The following RAPGEF5 variants were observed in gnomAD, a reference collection of about 807,000 sequenced individuals.
RAPGEF5 encodes the protein Rap guanine nucleotide exchange factor 5.
A neutral mutation model predicts 125.2 loss-of-function variants in RAPGEF5; 65 were observed. The observed-to-expected ratio is 0.52, with a 90% CI of 0.43 to 0.64. The LOEUF is 0.64. RAPGEF5 is among the 30% of genes least tolerant of loss of function. The probability of loss-of-function intolerance (pLI) is 0.00; values close to 1 mark genes in which losing one functional copy is unlikely to be tolerated. For synonymous variants in RAPGEF5, 391 were observed against 385.9 expected (o/e 1.01, Z -0.16); for missense variants, 958 against 1,048.1 (o/e 0.91, Z 1.19).
chr7:22,310,751 T>C (rs1444815140), intron 3 of RAPGEF5, among the ~76,000 whole-genome samples: 1 of 152,182 alleles, frequency 6.6e-6, no homozygotes, highest in Non-Finnish European at 1.5e-5. Context: ...AATATAATCA[T>C]TGTAACTATT....
intron 17 of RAPGEF5, among the ~76,000 whole-genome samples, chr7:22,151,989 A>T (rs4640962): frequency 1.3e-5 from 2 of 152,244 alleles, no homozygotes; most frequent in Admixed American, 1.3e-4. Context: ...TCCTAACTAC[A>T]AAATGCATAT....
At chr7:22,196,803 C>T (rs989183928) in intron 9 of RAPGEF5, among the ~76,000 whole-genome samples, 1 of 152,180 alleles carries the variant, frequency 6.6e-6, no homozygotes, top group Non-Finnish European at 1.5e-5. Context: ...AGACAGCCTG[C>T]CTGCCACAGA....
At chr7:22,308,021 T>C (rs1783381972) in intron 5 of RAPGEF5, among the ~76,000 whole-genome samples, 1 of 152,200 alleles carries the variant, frequency 6.6e-6, no homozygotes, top group African/African-American at 2.4e-5. Context: ...GGATGGGAGT[T>C]ACTATTTTAT....
intron 11 of RAPGEF5, among the ~76,000 whole-genome samples, chr7:22,183,268 CAA>C (rs757079018): frequency 1.2e-3 from 37 of 30,964 alleles, no homozygotes; most frequent in South Asian, 4.0e-3. Context: ...GACTCCATCA[CAA>C]AAAAAAAAAA....
chr7:22,126,177 C>T (rs979529986), intron 24 of RAPGEF5, among the ~76,000 whole-genome samples: 1 of 152,026 alleles, frequency 6.6e-6, no homozygotes. Flanking sequence ...AACAGTAGCA[C>T]CCAATCCGGG....
chr7:22,319,761 A>G (rs1300271978), intron 1 of RAPGEF5, among the ~76,000 whole-genome samples: 3 of 152,194 alleles, frequency 2.0e-5, no homozygotes, highest in South Asian at 2.1e-4. Context: ...GACAGTCTTT[A>G]TTACTCATCT....
intron 1 of RAPGEF5, chr7:22,356,294 C>A (rs535313462): frequency 2.0e-6 from 2 of 978,398 alleles, no homozygotes; most frequent in Non-Finnish European, 2.4e-6. Context: ...CTGGAGACAC[C>A]GGAACCCAGG....
At chr7:22,270,823 C>T (rs911136152) in intron 6 of RAPGEF5, among the ~76,000 whole-genome samples, 1 of 152,138 alleles carries the variant, frequency 6.6e-6, no homozygotes, top group African/African-American at 2.4e-5. Flanking sequence ...ATATTTCTTC[C>T]ATGAAATGCA....
At chr7:22,355,140 GA>G (rs1784398231) in intron 1 of RAPGEF5, among the ~76,000 whole-genome samples, 1 of 152,126 alleles carries the variant, frequency 6.6e-6, no homozygotes, top group Admixed American at 6.5e-5. Flanking sequence ...AATGTGTTTG[GA>G]AAGTCCCAAA....
chr7:22,137,843 T>C (rs1316210998), intron 21 of RAPGEF5, among the ~76,000 whole-genome samples: 1 of 152,094 alleles, frequency 6.6e-6, no homozygotes, highest in African/African-American at 2.4e-5. Flanking sequence ...TATAAGAAGA[T>C]ATTTCTGGGA....
At chr7:22,298,987 T>G (rs190717514) in intron 5 of RAPGEF5, among the ~76,000 whole-genome samples, 313 of 152,286 alleles carry the variant, frequency 2.1e-3, no homozygotes, top group Non-Finnish European at 3.5e-3. Flanking sequence ...GTCTTTTTGT[T>G]TTCTTCAACA....
intron 7 of RAPGEF5, among the ~76,000 whole-genome samples, chr7:22,250,667 A>G (rs1193922912): frequency 1.3e-5 from 2 of 152,110 alleles, no homozygotes; most frequent in African/African-American, 4.8e-5. Flanking sequence ...CCCGGGGGGA[A>G]AAAAAGGCCT....
chr7:22,294,525 A>C (rs910755936), intron 5 of RAPGEF5, among the ~76,000 whole-genome samples: 3 of 152,188 alleles, frequency 2.0e-5, no homozygotes, highest in Admixed American at 6.5e-5. Flanking sequence ...TCTAACCATC[A>C]AACTGGATGC....
intron 17 of RAPGEF5, among the ~76,000 whole-genome samples, chr7:22,151,389 A>T (rs1317590981): frequency 1.3e-5 from 2 of 152,180 alleles, no homozygotes; most frequent in Non-Finnish European, 2.9e-5. Flanking sequence ...TATTTTTTAA[A>T]AAAGAAAGAC....
intron 1 of RAPGEF5, among the ~76,000 whole-genome samples, chr7:22,335,608 G>T (rs1006594547): frequency 1.3e-5 from 2 of 150,564 alleles, no homozygotes; most frequent in Non-Finnish European, 1.5e-5. Context: ...CCACAAAGCC[G>T]TATCAACTCT....
Position 22,154,457 on chromosome 7 carries a change from C to G in RAPGEF5, c.1784G>C (p.Gly595Ala). The G allele has an allele frequency of 6.2e-7, 1 of 1,613,542 alleles. No homozygotes were observed. Among genetic ancestry groups the G allele is most frequent in the Non-Finnish European group, 8.5e-7 (1 of 1,179,702 alleles). ...TTCAAGGGTAGAAAACAACTTACCCCCAGAGAATGTGATGGCCACCAGAGC... is the reference window on the plus strand; with the variant it reads ...TTCAAGGGTAGAAAACAACTTACCCGCAGAGAATGTGATGGCCACCAGAGC... ...DLALVAITFS[G>A]EKHELQPNDL... Residue 595 changes from glycine to alanine, a missense_variant and splice_region_variant, in exon 17 of 26, where the codon GGG (glycine) becomes GCG (alanine). Coordinates refer to ENST00000665637, the MANE Select transcript of RAPGEF5 (RefSeq NM_012294.5).
chr7:22,273,039 C>G (rs899621070), intron 6 of RAPGEF5, among the ~76,000 whole-genome samples: 1 of 152,074 alleles, frequency 6.6e-6, no homozygotes, highest in South Asian at 2.1e-4. Flanking sequence ...GGATTGCAGG[C>G]GTGAGCCACC....
At chr7:22,185,730 A>C (rs1043750428) in intron 11 of RAPGEF5, among the ~76,000 whole-genome samples, 4 of 152,234 alleles carry the variant, frequency 2.6e-5, no homozygotes, top group African/African-American at 9.6e-5. Flanking sequence ...TGGAAAAACA[A>C]GCCCTTACCA....
chr7:22,305,246 T>C lies in RAPGEF5; in HGVS notation c.680+3093A>G, dbSNP rs984281963. Among the ~76,000 whole-genome samples the C allele has an allele frequency of 2.6e-5, 4 of 152,230 alleles. No individual in the cohort carries two copies. In the East Asian group the frequency reaches 7.7e-4, roughly 29 times the overall value. ...TAACATTCTTCTGAAAGTAAAATAATGAATATAAAGCATTCAGCACAGTGC... is the reference window on the plus strand; with the variant it reads ...TAACATTCTTCTGAAAGTAAAATAACGAATATAAAGCATTCAGCACAGTGC... On this transcript the variant is annotated intron_variant, in intron 5 of 25. Coordinates refer to ENST00000665637, the MANE Select transcript of RAPGEF5 (RefSeq NM_012294.5).
Sources: gnomAD v4.1 joint callset for allele counts (sites outside exome capture counted in the v4.1 genomes callset) on GRCh38, gnomAD v4.1.1 for gene constraint, MANE v1.5 for transcripts, NCBI Gene and HGNC (gene_info 2026-07-23, HGNC 2026-07-21) for gene names.